KDM4C: variants seen among roughly 807,000 people sequenced by gnomAD.
KDM4C encodes the protein lysine demethylase 4C.
Under a neutral mutation model 129.3 loss-of-function variants are expected in KDM4C, and 81 were observed. That is an observed-to-expected ratio of 0.63 (90% CI 0.52 to 0.75). The LOEUF is 0.75. Ranked by LOEUF, KDM4C falls within the 30% of genes least tolerant of loss-of-function variation. KDM4C has a pLI of 0.00. For missense variants in KDM4C, 1,457 were observed against 1,304.0 expected, an observed-to-expected ratio of 1.12 and a Z score of -1.81; for synonymous variants, 573 against 456.1, an observed-to-expected ratio of 1.26 and a Z score of -3.26.
chr9:6,914,641 A>G (rs2131122434), intron 8 of KDM4C, among the ~76,000 whole-genome samples: 1 of 152,366 alleles, frequency 6.6e-6, no homozygotes, highest in Middle Eastern at 3.4e-3. Context: ...CCAATACACT[A>G]GTATTAAGCA....
At chr9:7,138,753 G>A (rs963457379) in intron 19 of KDM4C, among the ~76,000 whole-genome samples, 4 of 152,112 alleles carry the variant, frequency 2.6e-5, no homozygotes, top group African/African-American at 9.7e-5. Context: ...CAGGAAGTTT[G>A]AGGTTACAGT....
chr9:6,943,374 A>C (rs7025865), intron 8 of KDM4C, among the ~76,000 whole-genome samples: 53,618 of 152,064 alleles, frequency 0.35, 9,942 homozygotes, highest in South Asian at 0.48. Flanking sequence ...ATTATTTTAC[A>C]AACTTCGCAT....
chr9:7,001,073 C>T (rs73399825), intron 12 of KDM4C, among the ~76,000 whole-genome samples: 2,505 of 152,274 alleles, frequency 0.016, 62 homozygotes, highest in African/African-American at 0.053. Context: ...AGGTGGCTCT[C>T]TTTATCAGCA....
At chr9:6,727,931 T>A (rs983409374) in intron 1 of KDM4C, among the ~76,000 whole-genome samples, 1 of 151,504 alleles carries the variant, frequency 6.6e-6, no homozygotes, top group Non-Finnish European at 1.5e-5. Flanking sequence ...TGCTGGCCAT[T>A]TTGCCTTTCT....
At chr9:6,807,441 G>A (rs1222028205) in intron 3 of KDM4C, among the ~76,000 whole-genome samples, 2 of 145,298 alleles carry the variant, frequency 1.4e-5, no homozygotes, top group Admixed American at 6.8e-5. Context: ...AGTGAGGAGC[G>A]CCTCTTCCCA....
chr9:6,794,934 A>G (rs1011666078), intron 2 of KDM4C, among the ~76,000 whole-genome samples: 2 of 152,224 alleles, frequency 1.3e-5, no homozygotes, highest in African/African-American at 4.8e-5. Flanking sequence ...TGTCCCTTCT[A>G]TAATGTAAGT....
Position 6,893,088 on chromosome 9 carries a change from C to G in KDM4C, c.784-7C>G, listed in dbSNP as rs762740470. On this transcript the variant is annotated splice_region_variant and splice_polypyrimidine_tract_variant and intron_variant, in intron 7 of 21. Coordinates refer to ENST00000381309, the MANE Select transcript of KDM4C (RefSeq NM_015061.6). ...TTACAAAATATTATATGTTTCCTAC[C>G]TTGCAGATAACCCAGGAGGCTGGAG... The G allele has an allele frequency of 2.6e-6, 4 of 1,518,514 alleles. No homozygotes were observed. Among genetic ancestry groups the G allele is most frequent in the Non-Finnish European group, 3.5e-6 (4 of 1,131,898 alleles). 94.1% of individuals were successfully genotyped at this position (1,518,514 alleles called of 1,614,324 possible).
chr9:6,987,296 G>A (rs1563937983), intron 11 of KDM4C, among the ~76,000 whole-genome samples: 1 of 152,108 alleles, frequency 6.6e-6, no homozygotes, highest in Non-Finnish European at 1.5e-5. Flanking sequence ...GAGGCCCTTT[G>A]CCTCTGAGAA....
chr9:7,164,783 T>G (rs1433554607), intron 19 of KDM4C, among the ~76,000 whole-genome samples: 1 of 152,182 alleles, frequency 6.6e-6, no homozygotes, highest in Non-Finnish European at 1.5e-5. Context: ...TCAGTTTCCT[T>G]GTCAGTAAAA....
chr9:6,851,824 G>C (rs953087266), intron 5 of KDM4C, among the ~76,000 whole-genome samples: 1 of 152,152 alleles, frequency 6.6e-6, no homozygotes, highest in African/African-American at 2.4e-5. Context: ...CTGGTGTCTT[G>C]TGTCTTTGGG....
chr9:6,990,548 A>AT (rs35634202), intron 12 of KDM4C, 24 bp downstream of exon 12: 94,677 of 1,164,212 alleles, frequency 0.081, 2,138 homozygotes, highest in African/African-American at 0.23. Flanking sequence ...CCTTTTTGGG[A>AT]TTTTTTTTTT....
At chr9:6,876,914 A>G (rs759699738) in intron 5 of KDM4C, among the ~76,000 whole-genome samples, 5 of 152,224 alleles carry the variant, frequency 3.3e-5, no homozygotes, top group Admixed American at 6.5e-5. Context: ...GCATACACAA[A>G]TCTATCATCC....
At chr9:7,126,850 G>C (rs1481024494) in intron 18 of KDM4C, among the ~76,000 whole-genome samples, 1 of 150,840 alleles carries the variant, frequency 6.6e-6, no homozygotes, top group Non-Finnish European at 1.5e-5. Flanking sequence ...AAGAACTGCT[G>C]TTAAAAAAAA....
Position 6,893,314 on chromosome 9 carries a change from A to G in KDM4C, c.921+82A>G, listed in dbSNP as rs759586118. 7.1e-6 allele frequency: 8 copies of G among 1,125,864 alleles called. No homozygotes were observed. In the African/African-American group the frequency reaches 8.0e-5, roughly 11 times the overall value. The allele number at this position is 1,125,864 out of a possible 1,614,324, so 69.7% of individuals were successfully genotyped here. On this transcript the variant is annotated intron_variant, in intron 8 of 21. Coordinates refer to ENST00000381309, the MANE Select transcript of KDM4C (RefSeq NM_015061.6). The stretch of plus-strand genomic sequence containing the variant: ...TAGGAACCCTACGATCCTGTGCAGC[A>G]TTTATTTATTCTTCCTCACTGGCGC...
intron 5 of KDM4C, among the ~76,000 whole-genome samples, chr9:6,860,370 G>T (rs1400880102): frequency 6.6e-6 from 1 of 152,142 alleles, no homozygotes; most frequent in East Asian, 1.9e-4. Flanking sequence ...TTTCTCTCTA[G>T]GGAATAGTTG....
intron 8 of KDM4C, among the ~76,000 whole-genome samples, chr9:6,959,520 A>G (rs1030176339): frequency 6.6e-6 from 1 of 152,220 alleles, no homozygotes; most frequent in Non-Finnish European, 1.5e-5. Flanking sequence ...CAGAAGCTAC[A>G]TATTTACTCT....
At chr9:7,078,063 A>C (rs867423428) in intron 17 of KDM4C, among the ~76,000 whole-genome samples, 17 of 152,240 alleles carry the variant, frequency 1.1e-4, no homozygotes, top group African/African-American at 4.1e-4. Context: ...AAAAAATTAA[A>C]GACAAATTAT....
In KDM4C at chr9:6,805,644, A is replaced by G; in HGVS notation, c.190A>G (p.Ile64Val). 2 of 1,614,004 alleles carry G rather than the reference A, an allele frequency of 1.2e-6. No homozygotes were observed. The highest frequency in any genetic ancestry group is 1.7e-6 in the Non-Finnish European group (2 of 1,179,948). Residue 64 changes from isoleucine (I) to valine (V), a missense_variant, in exon 3 of 22, where the codon ATT becomes GTT. Transcript: ENST00000381309. ...EWKPRQCYDD[I>V]DNLLIPAPIQ... ...GAAGCCAAGACAGTGCTATGATGAC[A>G]TTGATAATTTGCTCATTCCAGCACC...
intron 12 of KDM4C, among the ~76,000 whole-genome samples, chr9:7,009,741 G>A (rs1822342950): frequency 6.6e-6 from 1 of 152,128 alleles, no homozygotes; most frequent in Non-Finnish European, 1.5e-5. Context: ...GTATCCCCTG[G>A]AGTTCACAGA....
Sources: gnomAD v4.1 joint callset for allele counts (sites outside exome capture counted in the v4.1 genomes callset) on GRCh38, gnomAD v4.1.1 for gene constraint, MANE v1.5 for transcripts, NCBI Gene and HGNC (gene_info 2026-07-23, HGNC 2026-07-21) for gene names.